Variants in SPAG16 observed in about 807,000 individuals in gnomAD.
The protein encoded by SPAG16 is sperm associated antigen 16, also known as sperm-associated antigen 16 protein.
In SPAG16, 86 loss-of-function variants were observed where a neutral mutation model predicts 80.4. The ratio of observed to expected loss-of-function variants is 1.07; its 90% CI spans 0.90 to 1.28. The LOEUF (loss-of-function observed/expected upper bound fraction) is 1.28, where lower values mean the gene tolerates loss of function less well. SPAG16 is among the 50% of genes most tolerant of loss of function. SPAG16 has a pLI of 0.00. For missense variants in SPAG16, 870 were observed against 765.3 expected, an observed-to-expected ratio of 1.14 and a Z score of -1.61; for synonymous variants, 294 against 265.9, an observed-to-expected ratio of 1.11 and a Z score of -1.03.
At chr2:213,695,279 C>G (rs1309292717) in intron 10 of SPAG16, among the ~76,000 whole-genome samples, 1 of 152,180 alleles carries the variant, frequency 6.6e-6, no homozygotes, top group Non-Finnish European at 1.5e-5. Context: ...TCTTAAATTT[C>G]TTCACTTACC....
At chr2:213,508,885 T>G (rs1367161470) in intron 10 of SPAG16, among the ~76,000 whole-genome samples, 1 of 151,916 alleles carries the variant, frequency 6.6e-6, no homozygotes, top group African/African-American at 2.4e-5. Context: ...ACCTGCACAT[T>G]GTGCACATGT....
At chr2:213,673,918 C>T (rs1196666905) in intron 10 of SPAG16, among the ~76,000 whole-genome samples, 1 of 152,078 alleles carries the variant, frequency 6.6e-6, no homozygotes, top group Admixed American at 6.6e-5. Context: ...TGTTACAGTA[C>T]ATTCATTCTA....
intron 11 of SPAG16, among the ~76,000 whole-genome samples, chr2:213,868,086 T>A (rs1399089004): frequency 6.6e-6 from 1 of 152,078 alleles, no homozygotes; most frequent in Middle Eastern, 3.2e-3. Context: ...GGTAAAATCA[T>A]GTCTAAAATT....
At chr2:214,285,422 A>T (rs1160421869) in intron 15 of SPAG16, among the ~76,000 whole-genome samples, 1 of 151,948 alleles carries the variant, frequency 6.6e-6, no homozygotes, top group Non-Finnish European at 1.5e-5. Context: ...TTTTTTCCCA[A>T]TCCATGAGTT....
chr2:213,760,312 G>A (rs1480275019), intron 10 of SPAG16, among the ~76,000 whole-genome samples: 1 of 151,976 alleles, frequency 6.6e-6, no homozygotes, highest in Non-Finnish European at 1.5e-5. Flanking sequence ...TAATCAAAAA[G>A]TTTACAAAAG....
chr2:214,246,978 G>T (rs1205887427), intron 15 of SPAG16, among the ~76,000 whole-genome samples: 1 of 152,008 alleles, frequency 6.6e-6, no homozygotes, highest in African/African-American at 2.4e-5. Flanking sequence ...CAATAATTTT[G>T]TTTATCATAT....
chr2:214,172,095 A>T (rs967815598), intron 15 of SPAG16, among the ~76,000 whole-genome samples: 25 of 150,538 alleles, frequency 1.7e-4, no homozygotes, highest in South Asian at 6.3e-4. Context: ...TTTTTTTTTT[A>T]AATTTTATTA....
At chr2:214,215,401 ACCTT>A in intron 15 of SPAG16, among the ~76,000 whole-genome samples, 1 of 152,132 alleles carries the variant, frequency 6.6e-6, no homozygotes, top group East Asian at 1.9e-4. Context: ...CTATCAGGCC[ACCTT>A]TGATTCCATT....
chr2:213,452,193 C>T (rs1270618811), intron 9 of SPAG16, among the ~76,000 whole-genome samples: 4 of 152,182 alleles, frequency 2.6e-5, no homozygotes, highest in Non-Finnish European at 4.4e-5. Context: ...CTTTGAACTG[C>T]GTGAGGTTAG....
chr2:213,897,715 G>A (rs1434544395), intron 11 of SPAG16, among the ~76,000 whole-genome samples: 1 of 152,112 alleles, frequency 6.6e-6, no homozygotes, highest in Admixed American at 6.6e-5. Context: ...CAGATGATGT[G>A]CATCTAATTT....
intron 5 of SPAG16, among the ~76,000 whole-genome samples, chr2:213,326,842 A>G (rs1000408149): frequency 1.3e-5 from 2 of 152,050 alleles, no homozygotes; most frequent in Non-Finnish European, 2.9e-5. Flanking sequence ...TGTTCAGTTA[A>G]TAAAATTATT....
intron 14 of SPAG16, among the ~76,000 whole-genome samples, chr2:214,127,195 A>G (rs531732154): frequency 3.0e-4 from 45 of 151,854 alleles, no homozygotes; most frequent in African/African-American, 1.1e-3. Flanking sequence ...GGAGAATATA[A>G]AAGGACTGAC....
At chr2:214,254,381 C>T (rs139061168) in intron 15 of SPAG16, among the ~76,000 whole-genome samples, 1,692 of 152,194 alleles carry the variant, frequency 0.011, 18 homozygotes, top group Admixed American at 0.021. Flanking sequence ...AAAGGGAATG[C>T]TTCCAGTTTT....
intron 13 of SPAG16, among the ~76,000 whole-genome samples, chr2:214,044,014 T>G (rs2049176546): frequency 6.6e-6 from 1 of 152,118 alleles, no homozygotes; most frequent in African/African-American, 2.4e-5. Context: ...CTTTAGTCTC[T>G]AATTTTATAT....
chr2:214,195,335 A>AGATAGATAGATAGATAGATAGATAGATG (rs1553522804), intron 15 of SPAG16, among the ~76,000 whole-genome samples: 1 of 151,886 alleles, frequency 6.6e-6, no homozygotes, highest in Admixed American at 6.6e-5. Flanking sequence ...ATAGATAGAT[A>AGATAGATAGATAGATAGATAGATAGATG]TTTGAGAGAT....
At chr2:213,833,245 T>C (rs1482721409) in intron 10 of SPAG16, among the ~76,000 whole-genome samples, 1 of 149,012 alleles carries the variant, frequency 6.7e-6, no homozygotes, top group African/African-American at 2.5e-5. Context: ...GTAAATGCTA[T>C]TGTTGCAGCA....
intron 10 of SPAG16, among the ~76,000 whole-genome samples, chr2:213,673,954 T>A (rs1338290103): frequency 6.6e-6 from 1 of 152,150 alleles, no homozygotes; most frequent in Non-Finnish European, 1.5e-5. Flanking sequence ...ACTTTAATAC[T>A]TAATAGTTGC....
chr2:213,862,978 G>T (rs1431600689), intron 11 of SPAG16, among the ~76,000 whole-genome samples: 1 of 152,094 alleles, frequency 6.6e-6, no homozygotes, highest in Non-Finnish European at 1.5e-5. Context: ...GTTAATCTTT[G>T]GAGTTTTCCT....
chr2:214,241,909 T>C (rs1689525889), intron 15 of SPAG16, among the ~76,000 whole-genome samples: 2 of 151,950 alleles, frequency 1.3e-5, no homozygotes, highest in Admixed American at 6.6e-5. Context: ...AAAATTCTGA[T>C]GGTCAGAGTC....
Sources: allele counts gnomAD v4.1 joint callset (sites outside exome capture counted in the v4.1 genomes callset), GRCh38; gene constraint gnomAD v4.1.1; transcripts MANE v1.5; gene names NCBI Gene and HGNC (gene_info 2026-07-23, HGNC 2026-07-21).